The following LRRC7 variants were observed in gnomAD, a reference collection of about 807,000 sequenced individuals.
LRRC7 encodes leucine-rich repeat-containing protein 7.
In LRRC7, 23 loss-of-function variants were observed where a neutral mutation model predicts 175.7. The observed-to-expected ratio is 0.13, with a 90% CI of 0.09 to 0.19. LRRC7 has a LOEUF of 0.19. Among genes scored for constraint, LRRC7 ranks in the 10% least tolerant of loss-of-function variants. The probability of loss-of-function intolerance (pLI) is 1.00; values close to 1 mark genes in which losing one functional copy is unlikely to be tolerated. For synonymous variants in LRRC7, 685 were observed against 680.9 expected, an observed-to-expected ratio of 1.01 and a Z score of -0.09; for missense variants, 1,354 against 1,904.7, an observed-to-expected ratio of 0.71 and a Z score of 5.38.
chr1:70,061,355 C>T (rs779378608), intron 23 of LRRC7, among the ~76,000 whole-genome samples: 5 of 152,106 alleles, frequency 3.3e-5, no homozygotes, highest in Non-Finnish European at 1.5e-5. Context: ...CTGTTTCCCT[C>T]ATCTTGTTCC....
chr1:69,807,581 T>C (rs1677280800), intron 4 of LRRC7, among the ~76,000 whole-genome samples: 1 of 152,076 alleles, frequency 6.6e-6, no homozygotes, highest in Non-Finnish European at 1.5e-5. Flanking sequence ...GACATGAAAT[T>C]CTGGGTTGAA....
intron 8 of LRRC7, among the ~76,000 whole-genome samples, chr1:69,971,005 A>G (rs575805836): frequency 1.3e-5 from 2 of 152,310 alleles, no homozygotes; most frequent in East Asian, 1.9e-4. Flanking sequence ...GATACACCAC[A>G]TAAATAGAAT....
At chr1:70,078,861 A>T (rs1004556963) in intron 24 of LRRC7, among the ~76,000 whole-genome samples, 1 of 151,006 alleles carries the variant, frequency 6.6e-6, no homozygotes, top group Non-Finnish European at 1.5e-5. Context: ...CACTCCCCGT[A>T]AGCTTAGCAC....
At chr1:69,806,435 G>A (rs183531470) in intron 4 of LRRC7, among the ~76,000 whole-genome samples, 3 of 152,044 alleles carry the variant, frequency 2.0e-5, no homozygotes, top group Admixed American at 1.3e-4. Context: ...TTCCTCAGAT[G>A]TGTTTGTAAG....
At chr1:69,764,704 G>A (rs1371467413) in intron 3 of LRRC7, among the ~76,000 whole-genome samples, 1 of 150,956 alleles carries the variant, frequency 6.6e-6, no homozygotes, top group African/African-American at 2.4e-5. Flanking sequence ...TGGGTAGGTG[G>A]ATAGATAGGT....
At chr1:69,998,778 C>G (rs1361524218) in intron 11 of LRRC7, among the ~76,000 whole-genome samples, 1 of 152,140 alleles carries the variant, frequency 6.6e-6, no homozygotes, top group Admixed American at 6.5e-5. Context: ...GAAGTAGAAC[C>G]CTGACTTTGG....
intron 22 of LRRC7, among the ~76,000 whole-genome samples, chr1:70,044,303 G>T (rs1660161715): frequency 6.6e-6 from 1 of 152,138 alleles, no homozygotes; most frequent in Non-Finnish European, 1.5e-5. Flanking sequence ...CTGCTTTTTG[G>T]ATTGAGCTTT....
In LRRC7 at chr1:69,789,539, T is replaced by C. The variant is rs971811446; in HGVS notation, c.304-2504T>C. ...CCTTTTTAATTTCTTTGCCAATTTG[T>C]ATTCTTCATAATTATATTAAGAAGT... On this transcript the variant is annotated intron_variant, in intron 3 of 26. Coordinates refer to ENST00000651989, the MANE Select transcript of LRRC7 (RefSeq NM_001370785.2). Among the ~76,000 whole-genome samples, 4 of 152,160 alleles carry C rather than the reference T, an allele frequency of 2.6e-5. No homozygotes were observed. In the South Asian group the frequency reaches 6.2e-4, roughly 24 times the overall value.
chr1:69,903,328 G>A (rs935521557), intron 7 of LRRC7, among the ~76,000 whole-genome samples: 1 of 152,144 alleles, frequency 6.6e-6, no homozygotes, highest in Non-Finnish European at 1.5e-5. Flanking sequence ...CACAGAGGGC[G>A]AGCGGAAGCA....
At chr1:70,059,123 C>A (rs1035202238) in intron 23 of LRRC7, among the ~76,000 whole-genome samples, 1 of 152,148 alleles carries the variant, frequency 6.6e-6, no homozygotes, top group Non-Finnish European at 1.5e-5. Context: ...TCTGAAAATT[C>A]TTTAGTAACA....
rs1177506543 is a variant in LRRC7 at position 69,608,895 on chromosome 1, T to C, written c.2+40254T>C. Among the ~76,000 whole-genome samples, 61 of 128,180 alleles carry C rather than the reference T, an allele frequency of 4.8e-4. 3 individuals are homozygous for C. The highest frequency in any genetic ancestry group is 4.0e-3 in the Middle Eastern group (1 of 248). 84.1% of individuals were successfully genotyped at this position (128,180 alleles called of 152,430 possible). Reference sequence around the variant, plus strand: ...ATATATATATATATATATATATATATATATACACACACACACACATATATA... The same window carrying C: ...ATATATATATATATATATATATATACATATACACACACACACACATATATA... On this transcript the variant is annotated intron_variant, in intron 1 of 26. Coordinates refer to ENST00000651989, the MANE Select transcript of LRRC7 (RefSeq NM_001370785.2).
intron 2 of LRRC7, among the ~76,000 whole-genome samples, chr1:69,709,635 AG>A (rs1389316945): frequency 1.3e-5 from 2 of 152,230 alleles, no homozygotes; most frequent in Admixed American, 1.3e-4. Context: ...AAGAGAATAA[AG>A]ATACATGCCT....
intron 7 of LRRC7, among the ~76,000 whole-genome samples, chr1:69,843,251 A>ACCT (rs1018268839): frequency 2.6e-5 from 4 of 151,758 alleles, no homozygotes; most frequent in African/African-American, 9.7e-5. Flanking sequence ...AAAAAGAGGG[A>ACCT]CCTCCCGATT....
At chr1:69,904,046 T>C (rs1032270114) in intron 7 of LRRC7, among the ~76,000 whole-genome samples, 2 of 152,172 alleles carry the variant, frequency 1.3e-5, no homozygotes, top group Admixed American at 6.5e-5. Flanking sequence ...CAGGACTAGA[T>C]AGATTCACAG....
At chr1:69,635,631 C>T (rs1441001026) in intron 1 of LRRC7, among the ~76,000 whole-genome samples, 1 of 151,870 alleles carries the variant, frequency 6.6e-6, no homozygotes. Flanking sequence ...ATTTTACAGA[C>T]CACATTTTCA....
chr1:69,793,061 A>C (rs1325259171), intron 4 of LRRC7, among the ~76,000 whole-genome samples: 1 of 152,080 alleles, frequency 6.6e-6, no homozygotes, highest in African/African-American at 2.4e-5. Context: ...GTATCTGCAC[A>C]AGTAGTGCTT....
chr1:69,767,062 C>T (rs375976180), intron 3 of LRRC7, among the ~76,000 whole-genome samples: 3 of 152,122 alleles, frequency 2.0e-5, no homozygotes, highest in African/African-American at 4.8e-5. Flanking sequence ...CTCCTCGCCC[C>T]TGGCAACTTA....
intron 23 of LRRC7, 46 bp downstream of exon 23, chr1:70,053,191 T>C: frequency 6.7e-7 from 1 of 1,496,730 alleles, no homozygotes; most frequent in South Asian, 1.4e-5. Context: ...CCTTGCACAA[T>C]CTACTGCAAT....
intron 26 of LRRC7, among the ~76,000 whole-genome samples, chr1:70,116,200 G>T (rs1379427482): frequency 1.3e-5 from 2 of 152,194 alleles, no homozygotes; most frequent in Middle Eastern, 3.4e-3. Flanking sequence ...TATCTTTTAT[G>T]AGCCTTAATT....
Sources: gnomAD v4.1 joint callset for allele counts (sites outside exome capture counted in the v4.1 genomes callset) on GRCh38, gnomAD v4.1.1 for gene constraint, MANE v1.5 for transcripts, NCBI Gene and HGNC (gene_info 2026-07-23, HGNC 2026-07-21) for gene names.